PCDHGA10: variants seen among roughly 807,000 people sequenced by gnomAD.
PCDHGA10 encodes protocadherin gamma subfamily A, 10, also known as protocadherin gamma-A10.
PCDHGA10 carries 42 observed loss-of-function variants against 59.5 expected under a neutral mutation model. That is an observed-to-expected ratio of 0.71 (90% CI 0.55 to 0.91). PCDHGA10 has a LOEUF of 0.91. PCDHGA10 is among the 40% of genes least tolerant of loss of function. The pLI, the probability that PCDHGA10 is intolerant of heterozygous loss-of-function variation, is 0.00. For missense variants in PCDHGA10, 1,111 were observed against 1,198.2 expected (o/e 0.93, Z 1.07); for synonymous variants, 511 against 517.2 (o/e 0.99, Z 0.16).
Position 141,490,013 on chromosome 5 carries a change from G to A in PCDHGA10, c.2437-4794G>A. 6.2e-7 allele frequency: 1 copy of A among 1,614,206 alleles called. No individual in the cohort carries two copies. The highest frequency in any genetic ancestry group is 1.1e-5 in the South Asian group (1 of 91,088). Reference sequence around the variant, plus strand: ...GGAATCCCAGAGAATGCACCCATTGGTACTCTGCTGCTCCGCCTCAATGCC... The same window carrying A: ...GGAATCCCAGAGAATGCACCCATTGATACTCTGCTGCTCCGCCTCAATGCC... On this transcript the variant is annotated intron_variant, in intron 1 of 3. Transcript: ENST00000398610. This position sits in a 1 kb window ranked among gnomAD's most constrained non-coding sequence, Gnocchi z 5.4.
intron 2 of PCDHGA10, among the ~76,000 whole-genome samples, chr5:141,503,744 A>G (rs1310696654): frequency 2.0e-5 from 3 of 152,112 alleles, no homozygotes; most frequent in African/African-American, 4.8e-5. Context: ...GATGGTATAG[A>G]GGTCACACAT....
intron 1 of PCDHGA10, among the ~76,000 whole-genome samples, chr5:141,436,793 C>A (rs752376420): frequency 6.6e-6 from 1 of 152,178 alleles, no homozygotes; most frequent in Non-Finnish European, 1.5e-5. Context: ...TAAAACTGTT[C>A]TAAAATTTTT....
Position 141,476,231 on chromosome 5 carries a change from G to A in PCDHGA10, c.2437-18576G>A. The A allele has an allele frequency of 6.2e-7, 1 of 1,614,084 alleles. No individual in the cohort carries two copies. Among genetic ancestry groups the A allele is most frequent in the Non-Finnish European group, 8.5e-7 (1 of 1,180,034 alleles). On this transcript the variant is annotated intron_variant, in intron 1 of 3. Coordinates refer to ENST00000398610, the MANE Select transcript of PCDHGA10 (RefSeq NM_018913.3). The surrounding 1 kb of genome is among the most constrained non-coding windows in gnomAD (Gnocchi z 7.6). ...CACGGTCATTCACTATGAGATCCCG[G>A]AGGAAAGAGAGAAGGGTTTCGCTGT...
chr5:141,478,521 G>A, intron 1 of PCDHGA10: 1 of 1,610,618 alleles, frequency 6.2e-7, no homozygotes, highest in Non-Finnish European at 8.5e-7. Context: ...CAGGTGTTGG[G>A]TGCAGAGAGC....
At chr5:141,492,637 C>T (rs2099742781) in intron 1 of PCDHGA10, among the ~76,000 whole-genome samples, 1 of 152,260 alleles carries the variant, frequency 6.6e-6, no homozygotes, top group South Asian at 2.1e-4. Context: ...CTCTACGATC[C>T]TTGGGCCAGA....
At chr5:141,468,487 G>A (rs945439990) in intron 1 of PCDHGA10, 6 of 152,110 alleles carry the variant, frequency 3.9e-5, no homozygotes, top group African/African-American at 1.4e-4. Context: ...TAGGTCTCAT[G>A]GAAGATTTTC....
At chr5:141,436,104 G>A (rs368559994) in intron 1 of PCDHGA10, among the ~76,000 whole-genome samples, 10 of 152,086 alleles carry the variant, frequency 6.6e-5, no homozygotes, top group East Asian at 3.9e-4. Flanking sequence ...AGAAATAGAG[G>A]ACAATGAAAC....
chr5:141,415,893 A>G, intron 1 of PCDHGA10: 2 of 904,826 alleles, frequency 2.2e-6, no homozygotes, highest in Non-Finnish European at 3.0e-6. Flanking sequence ...GACAATTCCT[A>G]AGACAGACTT....
chr5:141,432,706 C>G lies in PCDHGA10; in HGVS notation c.2436+17095C>G, dbSNP rs761752571. The G allele has an allele frequency of 6.2e-7, 1 of 1,613,988 alleles. No homozygotes were observed. Among genetic ancestry groups the G allele is most frequent in the African/African-American group, 1.3e-5 (1 of 75,072 alleles). Reference sequence around the variant, plus strand: ...GCCTCGTAGTGGCCGTCCAGGACCACGGCCAGCCCCCTCTCTCCGCCACTG... The same window carrying G: ...GCCTCGTAGTGGCCGTCCAGGACCAGGGCCAGCCCCCTCTCTCCGCCACTG... On this transcript the variant is annotated intron_variant, in intron 1 of 3. Transcript: ENST00000398610. The surrounding 1 kb of genome is among the most constrained non-coding windows in gnomAD (Gnocchi z 6.0).
At chr5:141,417,700 A>G in intron 1 of PCDHGA10, 1 of 1,180,094 alleles carries the variant, frequency 8.5e-7, no homozygotes, top group Admixed American at 3.0e-5. Flanking sequence ...ACCAGCTCCC[A>G]CACAGAGGCT....
rs755602367 is a variant in PCDHGA10, at chr5:141,415,231, G to A, written c.2056G>A (p.Ala686Thr). ...LADLGSFESP[A>T]NSETSDLTLY... ...GGACCTCGGCAGCTTCGAGTCTCCA[G>A]CTAACTCTGAAACCTCAGACCTCAC... The change falls in exon 1 of 4, where the codon GCT (alanine) becomes ACT (threonine). Residue 686 changes from alanine (A) to threonine (T), a missense_variant. By Grantham distance (58) the Ala-to-Thr change is moderately conservative. Transcript: ENST00000398610. 2.1e-5 allele frequency: 34 copies of A among 1,614,042 alleles called. No homozygotes were observed. The South Asian group carries it at 3.2e-4, about 15-fold the overall frequency.
intron 1 of PCDHGA10, chr5:141,420,099 C>G: frequency 2.5e-6 from 4 of 1,613,996 alleles, no homozygotes; most frequent in Non-Finnish European, 3.4e-6. Context: ...AGTGAGGGAA[C>G]GTTGCCCTAT....
At chr5:141,447,798 A>G (rs2098551922) in intron 1 of PCDHGA10, among the ~76,000 whole-genome samples, 2 of 152,230 alleles carry the variant, frequency 1.3e-5, no homozygotes, top group Admixed American at 1.3e-4. Context: ...TTAAGAAAAT[A>G]AAATTGGCTG....
At chr5:141,421,224 T>G (rs1401875673) in intron 1 of PCDHGA10, 2 of 1,582,072 alleles carry the variant, frequency 1.3e-6, no homozygotes, top group Admixed American at 3.6e-5. Flanking sequence ...GCTTAGAGCC[T>G]GCCATGGCGA....
chr5:141,510,251 C>G (rs569804850), intron 3 of PCDHGA10, among the ~76,000 whole-genome samples: 1 of 144,724 alleles, frequency 6.9e-6, no homozygotes, highest in African/African-American at 2.6e-5. Flanking sequence ...CCAGGCTGGG[C>G]GACAGAGCAG....
rs201391904 is a variant in PCDHGA10, at chr5:141,494,843, G to A, written c.2473G>A (p.Ala825Thr). Residue 825 changes from alanine to threonine, a missense_variant, in exon 2 of 4, where the codon GCC becomes ACC. Transcript: ENST00000398610. ...PPNTDWRFSQ[A>T]QRPGTSGSQN... is the part of the protein sequence containing the mutation. ...CAACACGGACTGGCGTTTCTCTCAG[G>A]CCCAGAGACCCGGCACCAGCGGGTA... 1.9e-6 allele frequency: 3 copies of A among 1,614,088 alleles called. No homozygotes were observed. Among genetic ancestry groups the A allele is most frequent in the Admixed American group, 3.3e-5 (2 of 60,008 alleles).
chr5:141,419,514 T>C (rs1180212485), intron 1 of PCDHGA10: 1 of 1,612,266 alleles, frequency 6.2e-7, no homozygotes, highest in Admixed American at 1.7e-5. Context: ...CGCGTGTTGG[T>C]GGGCGACCGT....
At chr5:141,416,859 G>C (rs1411419006) in intron 1 of PCDHGA10, 1 of 151,936 alleles carries the variant, frequency 6.6e-6, no homozygotes, top group African/African-American at 2.4e-5. Context: ...ATTTTTTTCA[G>C]GTCAGTCAAC....
At chr5:141,479,930 T>C (rs1355410974) in intron 1 of PCDHGA10, among the ~76,000 whole-genome samples, 15 of 152,218 alleles carry the variant, frequency 9.9e-5, no homozygotes, top group Non-Finnish European at 1.9e-4. Context: ...CAGTGCATCA[T>C]TGCTATCAAC....
Sources: allele counts gnomAD v4.1 joint callset (sites outside exome capture counted in the v4.1 genomes callset), GRCh38; gene constraint gnomAD v4.1.1; non-coding constraint Gnocchi (gnomAD v3.1); transcripts MANE v1.5; gene names NCBI Gene and HGNC (gene_info 2026-07-23, HGNC 2026-07-21).